HS6ST3: variants seen among roughly 807,000 people sequenced by gnomAD.
The protein encoded by HS6ST3 is heparan sulfate 6-O-sulfotransferase 3.
Under a neutral mutation model 36.7 loss-of-function variants are expected in HS6ST3, and 12 were observed. The observed-to-expected ratio is 0.33, with a 90% CI of 0.21 to 0.53. HS6ST3 has a LOEUF of 0.53. Ranked by LOEUF, HS6ST3 falls within the 20% of genes least tolerant of loss-of-function variation. The pLI, the probability that HS6ST3 is intolerant of heterozygous loss-of-function variation, is 0.95. For missense variants in HS6ST3, 584 were observed against 640.9 expected (o/e 0.91, Z 0.96); for synonymous variants, 240 against 257.5 (o/e 0.93, Z 0.65).
chr13:96,773,672 C>G lies in HS6ST3; in HGVS notation c.708-58818C>G, dbSNP rs9513179. Among the ~76,000 whole-genome samples the G allele has an allele frequency of 6.1e-3, 927 of 152,274 alleles. 6 individuals carry two copies. Among genetic ancestry groups the G allele is most frequent in the Non-Finnish European group, 8.9e-3 (605 of 68,012 alleles). ...GTATCTCTGAAAGAAAGGCAGCATC[C>G]CCAGTCAGGGGCTTATAGATAAAAC... On this transcript the variant is annotated intron_variant, in intron 1 of 1. Transcript: ENST00000376705.
intron 1 of HS6ST3, among the ~76,000 whole-genome samples, chr13:96,759,490 C>G (rs1876914659): frequency 6.6e-6 from 1 of 151,568 alleles, no homozygotes; most frequent in Non-Finnish European, 1.5e-5. Context: ...ATAATATGTA[C>G]AATAAACTTA....
chr13:96,204,140 A>C (rs997504559), intron 1 of HS6ST3, among the ~76,000 whole-genome samples: 12 of 152,344 alleles, frequency 7.9e-5, no homozygotes, highest in African/African-American at 2.9e-4. Context: ...ATGTGTCATA[A>C]AATTTAATTT....
chr13:96,094,719 T>G (rs1482609523), intron 1 of HS6ST3, among the ~76,000 whole-genome samples: 1 of 152,170 alleles, frequency 6.6e-6, no homozygotes, highest in Non-Finnish European at 1.5e-5. Context: ...ATGGATTATG[T>G]GGGTCATGAA....
chr13:96,317,360 ATATATATAAAAT>A (rs2054979039), intron 1 of HS6ST3, among the ~76,000 whole-genome samples: 2 of 29,344 alleles, frequency 6.8e-5, no homozygotes, highest in Admixed American at 4.5e-4. Flanking sequence ...ATATATATAT[ATATATATAAAAT>A]TATATATATA....
chr13:96,706,413 T>TATATATATATATATATATA (rs1555319827), intron 1 of HS6ST3, among the ~76,000 whole-genome samples: 2 of 121,028 alleles, frequency 1.7e-5, no homozygotes, highest in African/African-American at 7.1e-5. Context: ...AGAATATATT[T>TATATATATATATATATATA]TATATATATA....
chr13:96,712,553 C>T (rs956246386), intron 1 of HS6ST3, among the ~76,000 whole-genome samples: 9 of 152,104 alleles, frequency 5.9e-5, no homozygotes, highest in Admixed American at 5.9e-4. Flanking sequence ...ATAATAAACT[C>T]GCCACCAGCA....
At chr13:96,108,479 A>C (rs964652757) in intron 1 of HS6ST3, among the ~76,000 whole-genome samples, 3 of 152,018 alleles carry the variant, frequency 2.0e-5, no homozygotes, top group African/African-American at 7.3e-5. Context: ...GAAGCATGTG[A>C]TCTCTGTGAC....
chr13:96,580,987 A>C (rs183613833), intron 1 of HS6ST3, among the ~76,000 whole-genome samples: 51 of 152,306 alleles, frequency 3.3e-4, no homozygotes, highest in Middle Eastern at 3.4e-3. Flanking sequence ...CTGTAGAATA[A>C]AATGAGATAG....
intron 1 of HS6ST3, among the ~76,000 whole-genome samples, chr13:96,112,194 A>G (rs186973036): frequency 8.5e-5 from 13 of 152,288 alleles, no homozygotes; most frequent in Admixed American, 2.0e-4. Flanking sequence ...TAGGGAAAAG[A>G]ATGCTCATTT....
intron 1 of HS6ST3, among the ~76,000 whole-genome samples, chr13:96,775,152 A>G (rs1281322554): frequency 2.6e-5 from 4 of 152,202 alleles, no homozygotes; most frequent in Admixed American, 1.3e-4. Context: ...TGTCACTACC[A>G]GGCATGCCTT....
At chr13:96,777,893 T>A (rs1248588752) in intron 1 of HS6ST3, among the ~76,000 whole-genome samples, 1 of 152,160 alleles carries the variant, frequency 6.6e-6, no homozygotes, top group Non-Finnish European at 1.5e-5. Flanking sequence ...AGAACAAAGC[T>A]GGAGGCATCA....
At chr13:96,397,957 C>A (rs999677141) in intron 1 of HS6ST3, among the ~76,000 whole-genome samples, 2 of 152,118 alleles carry the variant, frequency 1.3e-5, no homozygotes, top group Non-Finnish European at 2.9e-5. Flanking sequence ...AGCTTCCAAA[C>A]GTAGTAGACA....
At chr13:96,712,440 T>C (rs375624856) in intron 1 of HS6ST3, among the ~76,000 whole-genome samples, 1 of 152,096 alleles carries the variant, frequency 6.6e-6, no homozygotes, top group Admixed American at 6.6e-5. Flanking sequence ...AGATTGGAAT[T>C]TTGTATGAAC....
chr13:96,387,699 C>T (rs1284112850), intron 1 of HS6ST3, among the ~76,000 whole-genome samples: 2 of 152,056 alleles, frequency 1.3e-5, no homozygotes, highest in African/African-American at 2.4e-5. Context: ...CTCCAATTAC[C>T]CCAAGGCTGC....
chr13:96,737,877 T>G (rs1327153535), intron 1 of HS6ST3, among the ~76,000 whole-genome samples: 8 of 152,138 alleles, frequency 5.3e-5, no homozygotes, highest in African/African-American at 1.9e-4. Flanking sequence ...GCAGTCACAT[T>G]GTTCTGACCT....
In HS6ST3 at chr13:96,832,924, T is replaced by A. The variant is rs1310677752; in HGVS notation, c.1142T>A (p.Ile381Asn). The change falls in exon 2 of 2, where the codon ATC becomes AAC. Residue 381 changes from isoleucine (I) to asparagine (N), a missense_variant. This residue lies in a region of HS6ST3 where 360 missense variants were observed against 411.3 expected (regional missense o/e 0.88). Transcript: ENST00000376705. ...KFISPFTQFN[I>N]TRASNVEINE... The stretch of plus-strand genomic sequence containing the variant: ...ATCTCCCCCTTCACACAGTTCAACA[T>A]CACGCGGGCTTCTAACGTGGAGATC... 6.2e-7 allele frequency: 1 copy of A among 1,614,144 alleles called. No individual in the cohort carries two copies. Among genetic ancestry groups the A allele is most frequent in the Non-Finnish European group, 8.5e-7 (1 of 1,180,018 alleles).
intron 1 of HS6ST3, among the ~76,000 whole-genome samples, chr13:96,478,651 A>G (rs1378713760): frequency 1.3e-5 from 2 of 152,050 alleles, no homozygotes; most frequent in African/African-American, 4.8e-5. Flanking sequence ...TAGACCTACC[A>G]TTTATATTTA....
intron 1 of HS6ST3, among the ~76,000 whole-genome samples, chr13:96,274,856 C>T (rs2054740248): frequency 7.1e-6 from 1 of 140,738 alleles, no homozygotes; most frequent in Non-Finnish European, 1.6e-5. Flanking sequence ...CACACACACA[C>T]ACACACACAC....
chr13:96,785,662 A>G (rs1262965659), intron 1 of HS6ST3, among the ~76,000 whole-genome samples: 1 of 152,146 alleles, frequency 6.6e-6, no homozygotes, highest in South Asian at 2.1e-4. Context: ...AACAACAACA[A>G]CAACAACAAC....
Sources: gnomAD v4.1 joint callset for allele counts (sites outside exome capture counted in the v4.1 genomes callset) on GRCh38, gnomAD v4.1.1 for gene constraint, gnomAD v4.1.1 regional missense constraint, MANE v1.5 for transcripts, NCBI Gene and HGNC (gene_info 2026-07-23, HGNC 2026-07-21) for gene names.